Variants in HTR7 observed in about 807,000 individuals in gnomAD.
HTR7 encodes 5-hydroxytryptamine receptor 7.
In HTR7, 16 loss-of-function variants were observed where a neutral mutation model predicts 34.0. That is an observed-to-expected ratio of 0.47 (90% confidence interval 0.32 to 0.71). HTR7 has a LOEUF of 0.71. HTR7 is among the 30% of genes least tolerant of loss of function. The probability of loss-of-function intolerance (pLI) is 0.04; values close to 1 mark genes in which losing one functional copy is unlikely to be tolerated. For missense variants in HTR7, 504 were observed against 625.5 expected, an observed-to-expected ratio of 0.81 and a Z score of 2.07; for synonymous variants, 265 against 260.2, an observed-to-expected ratio of 1.02 and a Z score of -0.18.
chr10:90,847,414 A>G (rs1266917422), intron 1 of HTR7, among the ~76,000 whole-genome samples: 4 of 152,190 alleles, frequency 2.6e-5, no homozygotes, highest in East Asian at 3.8e-4. Flanking sequence ...GACCCATTTC[A>G]TCTCCTTCTC....
intron 1 of HTR7, among the ~76,000 whole-genome samples, chr10:90,807,620 C>G (rs1379551649): frequency 1.3e-5 from 2 of 152,240 alleles, no homozygotes; most frequent in Non-Finnish European, 2.9e-5. Flanking sequence ...AACGGCCCCA[C>G]CCCTATCTCC....
At chr10:90,768,988 T>C (rs980402895) in intron 1 of HTR7, among the ~76,000 whole-genome samples, 3 of 152,310 alleles carry the variant, frequency 2.0e-5, no homozygotes, top group African/African-American at 7.2e-5. Context: ...GTACTGATGA[T>C]TCCTCCCACT....
chr10:90,822,333 G>C (rs2120015355), intron 1 of HTR7, among the ~76,000 whole-genome samples: 1 of 152,364 alleles, frequency 6.6e-6, no homozygotes, highest in Admixed American at 6.5e-5. Context: ...CTTTAGAAAA[G>C]AGACTGGCAG....
chr10:90,844,726 CAAAAAAAAAAAAAAAAAAA>C lies in HTR7; in HGVS notation c.539+12388_539+12406del, dbSNP rs71025328. ...TGGGCAACAGAATGAGACTCCGTCT[CAAAAAAAAAAAAAAAAAAA>C]AAAAAAAAAAAAAAAAAAAGATCAG... On this transcript the variant is annotated intron_variant, in intron 1 of 3. Coordinates refer to ENST00000336152, the MANE Select transcript of HTR7 (RefSeq NM_019859.4). Among the ~76,000 whole-genome samples, 318 of 39,486 alleles carry C rather than the reference CAAAAAAAAAAAAAAAAAAA, an allele frequency of 8.1e-3. 3 individuals carry two copies. Among genetic ancestry groups the C allele is most frequent in the South Asian group, 0.059 (63 of 1,064 alleles). The allele number at this position is 39,486 out of a possible 152,430, so 25.9% of individuals were successfully genotyped here. A position where few individuals can be genotyped will look rare whatever the true frequency, so the allele number is the denominator to read the frequency against.
chr10:90,820,558 A>G (rs1031529702), intron 1 of HTR7, among the ~76,000 whole-genome samples: 1 of 152,206 alleles, frequency 6.6e-6, no homozygotes, highest in African/African-American at 2.4e-5. Flanking sequence ...AATGAGTTTT[A>G]TACATACAGG....
intron 1 of HTR7, among the ~76,000 whole-genome samples, chr10:90,766,502 T>C (rs1845027103): frequency 6.6e-6 from 1 of 152,236 alleles, no homozygotes; most frequent in Non-Finnish European, 1.5e-5. Flanking sequence ...CTTTTGTGTG[T>C]GGAGAATTTA....
chr10:90,807,033 A>G (rs1311519735), intron 1 of HTR7, among the ~76,000 whole-genome samples: 1 of 152,268 alleles, frequency 6.6e-6, no homozygotes, highest in African/African-American at 2.4e-5. Flanking sequence ...CATTTTGCAC[A>G]TCAGTATCAT....
chr10:90,743,518 G>A (rs1046419037), intron 3 of HTR7, 75 bp downstream of exon 3: 15 of 1,187,438 alleles, frequency 1.3e-5, no homozygotes, highest in Non-Finnish European at 1.8e-5. Flanking sequence ...GCACGGCTCT[G>A]CTCACATAGT....
intron 1 of HTR7, among the ~76,000 whole-genome samples, chr10:90,773,575 G>C (rs1281489134): frequency 1.3e-5 from 2 of 148,998 alleles, no homozygotes; most frequent in African/African-American, 4.9e-5. Context: ...CTTTTTTTTT[G>C]TACCCATTAA....
At chr10:90,812,308 C>T (rs1044065482) in intron 1 of HTR7, among the ~76,000 whole-genome samples, 1 of 152,128 alleles carries the variant, frequency 6.6e-6, no homozygotes, top group Non-Finnish European at 1.5e-5. Context: ...ACATGCCCTG[C>T]TCTTGTTTAC....
intron 1 of HTR7, among the ~76,000 whole-genome samples, chr10:90,802,308 C>T (rs1261156303): frequency 6.6e-6 from 1 of 152,226 alleles, no homozygotes. Context: ...TTAAGTAACA[C>T]ACTGTTCTGA....
At chr10:90,833,822 T>C (rs1273913215) in intron 1 of HTR7, among the ~76,000 whole-genome samples, 3 of 152,192 alleles carry the variant, frequency 2.0e-5, no homozygotes, top group African/African-American at 4.8e-5. Context: ...AACTTACACA[T>C]TGAAAATAAA....
intron 1 of HTR7, among the ~76,000 whole-genome samples, chr10:90,836,742 T>C (rs1589475751): frequency 6.6e-6 from 1 of 152,072 alleles, no homozygotes; most frequent in South Asian, 2.1e-4. Flanking sequence ...ACTCCTGAGC[T>C]GGACTAATTC....
At chr10:90,753,904 T>G (rs1844785469) in intron 1 of HTR7, among the ~76,000 whole-genome samples, 1 of 152,024 alleles carries the variant, frequency 6.6e-6, no homozygotes, top group African/African-American at 2.4e-5. Context: ...TATATAAAAC[T>G]GGGTGTATGC....
At chr10:90,744,436 A>G (rs1250755015) in intron 2 of HTR7, among the ~76,000 whole-genome samples, 4 of 151,954 alleles carry the variant, frequency 2.6e-5, no homozygotes, top group African/African-American at 9.7e-5. Flanking sequence ...TTATCCACAC[A>G]GTGCTACTGC....
chr10:90,770,969 C>T (rs1352503421), intron 1 of HTR7, among the ~76,000 whole-genome samples: 8 of 152,234 alleles, frequency 5.3e-5, no homozygotes, highest in East Asian at 1.9e-4. Context: ...TGGGCACACA[C>T]TTCCTCCCAT....
intron 1 of HTR7, among the ~76,000 whole-genome samples, chr10:90,826,311 G>A (rs1373288996): frequency 1.3e-5 from 2 of 152,142 alleles, no homozygotes; most frequent in East Asian, 1.9e-4. Context: ...AAATGCTGAG[G>A]TATTTTATCA....
In HTR7 at chr10:90,857,680, C is replaced by T; in HGVS notation, c.-9G>A. On this transcript the variant is annotated 5_prime_UTR_variant, in exon 1 of 4. Coordinates refer to ENST00000336152, the MANE Select transcript of HTR7 (RefSeq NM_019859.4). The surrounding 1 kb of genome is among the most constrained non-coding windows in gnomAD (Gnocchi z 6.5). ...CTGTTAACGTCCATCATCGCGCCGC[C>T]GTGTGCCGCTGCCCATGGAGCCGGC... The T allele has an allele frequency of 6.5e-7, 1 of 1,533,896 alleles. No individual in the cohort carries two copies. Among genetic ancestry groups the T allele is most frequent in the Non-Finnish European group, 8.7e-7 (1 of 1,151,924 alleles).
rs920006864 is a variant in HTR7, at chr10:90,779,828, C to T, written c.540-30234G>A. On this transcript the variant is annotated intron_variant, in intron 1 of 3. Coordinates refer to ENST00000336152, the MANE Select transcript of HTR7 (RefSeq NM_019859.4). The stretch of plus-strand genomic sequence containing the variant: ...GAGGACAAATGGAAATATTTGTGAG[C>T]GACACAAATGCCTAACACACATTCC... Among the ~76,000 whole-genome samples, 16 of 152,284 alleles carry T rather than the reference C, an allele frequency of 1.1e-4. No individual in the cohort carries two copies. In the East Asian group the frequency reaches 1.4e-3, roughly 13 times the overall value.
Sources: gnomAD v4.1 joint callset for allele counts (sites outside exome capture counted in the v4.1 genomes callset) on GRCh38, gnomAD v4.1.1 for gene constraint, Gnocchi (gnomAD v3.1) non-coding constraint, MANE v1.5 for transcripts, NCBI Gene and HGNC (gene_info 2026-07-23, HGNC 2026-07-21) for gene names.